The following SENP7 variants were observed in gnomAD, a reference collection of about 807,000 sequenced individuals.
The protein encoded by SENP7 is SUMO specific peptidase 7.
Under a neutral mutation model 141.2 loss-of-function variants are expected in SENP7, and 64 were observed. The observed-to-expected ratio is 0.45, with a 90% CI of 0.37 to 0.56. The LOEUF (loss-of-function observed/expected upper bound fraction) is 0.56, where lower values mean the gene tolerates loss of function less well. Ranked by LOEUF, SENP7 falls within the 20% of genes least tolerant of loss-of-function variation. SENP7 has a pLI of 0.00. For missense variants in SENP7, 1,025 were observed against 1,212.2 expected (o/e 0.85, Z 2.29); for synonymous variants, 382 against 426.4 (o/e 0.90, Z 1.28).
chr3:101,433,638 C>A (rs2062269274), intron 4 of SENP7, among the ~76,000 whole-genome samples: 1 of 152,080 alleles, frequency 6.6e-6, no homozygotes, highest in Admixed American at 6.5e-5. Flanking sequence ...TGAGACAAAA[C>A]AGATCTCAAG....
At chr3:101,397,258 A>C (rs1008307184) in intron 6 of SENP7, among the ~76,000 whole-genome samples, 4 of 152,160 alleles carry the variant, frequency 2.6e-5, no homozygotes, top group African/African-American at 7.2e-5. Flanking sequence ...CAGCCTCCCA[A>C]GTAGCTGAGA....
At chr3:101,349,918 T>C (rs1439067288) in intron 12 of SENP7, among the ~76,000 whole-genome samples, 1 of 152,154 alleles carries the variant, frequency 6.6e-6, no homozygotes, top group African/African-American at 2.4e-5. Flanking sequence ...TTGAAAACTC[T>C]ATTTCCTAGC....
At chr3:101,428,141 G>C (rs1559809062) in intron 4 of SENP7, among the ~76,000 whole-genome samples, 1 of 152,190 alleles carries the variant, frequency 6.6e-6, no homozygotes, top group Non-Finnish European at 1.5e-5. Flanking sequence ...ATTATGAATA[G>C]TGCTGCAATA....
intron 19 of SENP7, 119 bp from the exon 20 acceptor site, chr3:101,330,505 A>C: frequency 1.9e-6 from 1 of 536,030 alleles, no homozygotes; most frequent in Non-Finnish European, 3.2e-6. Context: ...AAAATACTTG[A>C]GATTTAATTT....
chr3:101,472,757 C>T (rs1021180502), intron 3 of SENP7, among the ~76,000 whole-genome samples: 4 of 151,954 alleles, frequency 2.6e-5, no homozygotes, highest in African/African-American at 9.7e-5. Context: ...ATGAGTAAGT[C>T]CTTTTTTTAA....
intron 11 of SENP7, chr3:101,359,064 A>G (rs1559714139): frequency 6.6e-6 from 1 of 152,222 alleles, no homozygotes; most frequent in Non-Finnish European, 1.5e-5. Context: ...AAGTTATACT[A>G]GTGTGAAACC....
At chr3:101,375,872 G>A (rs887428287) in intron 6 of SENP7, among the ~76,000 whole-genome samples, 3 of 152,122 alleles carry the variant, frequency 2.0e-5, no homozygotes, top group Admixed American at 1.3e-4. Context: ...AACACAAAAG[G>A]ACAAATATTG....
intron 5 of SENP7, among the ~76,000 whole-genome samples, chr3:101,415,878 CTATGA>C (rs746168108): frequency 4.6e-5 from 7 of 152,054 alleles, no homozygotes; most frequent in African/African-American, 7.2e-5. Context: ...TGTTTCCAGG[CTATGA>C]TATATTTTCC....
chr3:101,343,956 T>C lies in SENP7; in HGVS notation c.1838-2A>G. 6.5e-7 allele frequency: 1 copy of C among 1,537,570 alleles called. No individual in the cohort carries two copies. Among genetic ancestry groups the C allele is most frequent in the Non-Finnish European group, 8.8e-7 (1 of 1,138,760 alleles). On this transcript the variant is annotated splice_acceptor_variant, in intron 13 of 23. Transcript: ENST00000394095. LOFTEE classifies it high-confidence loss of function. Reference sequence around the variant, plus strand: ...GGAAAATGAATTCACTAGATTTTGCTACAAAAGGAAAAAATAATTTGTATC... The same window carrying C: ...GGAAAATGAATTCACTAGATTTTGCCACAAAAGGAAAAAATAATTTGTATC...
At chr3:101,512,353 G>A (rs576349981) in intron 1 of SENP7, among the ~76,000 whole-genome samples, 34 of 152,262 alleles carry the variant, frequency 2.2e-4, no homozygotes, top group Admixed American at 1.4e-3. Flanking sequence ...TCTACCTCAC[G>A]TTTTTATAAC....
intron 7 of SENP7, among the ~76,000 whole-genome samples, chr3:101,368,540 C>T (rs532587140): frequency 1.4e-4 from 18 of 128,296 alleles, no homozygotes; most frequent in South Asian, 2.4e-4. Context: ...AACACTTGGA[C>T]GCAGGAAAGG....
intron 2 of SENP7, 59 bp from the exon 3 acceptor site, chr3:101,494,027 G>A: frequency 9.3e-7 from 1 of 1,075,366 alleles, no homozygotes; most frequent in Non-Finnish European, 1.4e-6. Flanking sequence ...AGCTAATTCA[G>A]CTAACAGAAC....
intron 3 of SENP7, 71 bp from the exon 4 acceptor site, chr3:101,459,123 T>C: frequency 2.4e-6 from 2 of 828,166 alleles, no homozygotes; most frequent in Non-Finnish European, 3.8e-6. Context: ...ACTGTTCTTT[T>C]TTATTTGGAA....
At chr3:101,424,702 G>T (rs916106695) in intron 4 of SENP7, among the ~76,000 whole-genome samples, 3 of 151,992 alleles carry the variant, frequency 2.0e-5, no homozygotes, top group African/African-American at 4.8e-5. Flanking sequence ...CACCAGCAGG[G>T]ACTCCTGCTC....
chr3:101,493,998 TAATTG>T (rs2065066231), intron 2 of SENP7, 30 bp from the exon 3 acceptor site: 2 of 1,368,336 alleles, frequency 1.5e-6, no homozygotes, highest in Non-Finnish European at 2.1e-6. Context: ...ATAATTAGTT[TAATTG>T]AACTATATAC....
At chr3:101,347,810 G>A (rs2059507445) in intron 13 of SENP7, 62 bp downstream of exon 13, 4 of 770,160 alleles carry the variant, frequency 5.2e-6, no homozygotes, top group South Asian at 4.1e-5. Flanking sequence ...AATTATTTTA[G>A]GAAAAAACTA....
intron 4 of SENP7, among the ~76,000 whole-genome samples, chr3:101,446,491 T>G (rs1245180412): frequency 6.6e-6 from 1 of 152,126 alleles, no homozygotes; most frequent in Non-Finnish European, 1.5e-5. Context: ...CAAGAAACAT[T>G]CTCCAGGGCA....
intron 6 of SENP7, among the ~76,000 whole-genome samples, chr3:101,379,195 A>G (rs182744833): frequency 6.6e-6 from 1 of 152,322 alleles, no homozygotes; most frequent in African/African-American, 2.4e-5. Flanking sequence ...AAAACAATGA[A>G]TCTGTACCCT....
At chr3:101,486,945 C>T (rs1259762635) in intron 3 of SENP7, among the ~76,000 whole-genome samples, 1 of 152,084 alleles carries the variant, frequency 6.6e-6, no homozygotes, top group African/African-American at 2.4e-5. Flanking sequence ...CAAATGGACA[C>T]CAAAAGCGAG....
Sources: gnomAD v4.1 joint callset for allele counts (sites outside exome capture counted in the v4.1 genomes callset) on GRCh38, gnomAD v4.1.1 for gene constraint, MANE v1.5 for transcripts, NCBI Gene and HGNC (gene_info 2026-07-23, HGNC 2026-07-21) for gene names.